Variants in SLC8A2 observed in about 807,000 individuals in gnomAD.
SLC8A2 encodes sodium/calcium exchanger 2.
A neutral mutation model predicts 70.2 loss-of-function variants in SLC8A2; 14 were observed. The observed-to-expected ratio is 0.20, with a 90% CI of 0.13 to 0.31. The LOEUF is 0.31. Among genes scored for constraint, SLC8A2 ranks in the 10% least tolerant of loss-of-function variants. SLC8A2 has a pLI of 1.00. For missense variants in SLC8A2, 779 were observed against 1,320.1 expected (o/e 0.59, Z 6.35); for synonymous variants, 575 against 594.3 (o/e 0.97, Z 0.47).
intron 1 of SLC8A2, among the ~76,000 whole-genome samples, chr19:47,467,921 G>A (rs1264407239): frequency 6.6e-6 from 1 of 150,388 alleles, no homozygotes; most frequent in Non-Finnish European, 1.5e-5. Flanking sequence ...CATGAGAATC[G>A]CTTGAGCCAG....
intron 4 of SLC8A2, among the ~76,000 whole-genome samples, chr19:47,443,579 A>T (rs1293607567): frequency 6.6e-6 from 1 of 152,194 alleles, no homozygotes; most frequent in African/African-American, 2.4e-5. Flanking sequence ...GACTGCATGG[A>T]CCAGATGCCC....
rs1365059820 is a variant in SLC8A2, at chr19:47,430,116, C to T, written c.2739G>A (p.Glu913=). The T allele has an allele frequency of 6.3e-7, 1 of 1,591,568 alleles. No homozygotes were observed. The highest frequency in any genetic ancestry group is 1.1e-5 in the South Asian group (1 of 88,148). Residue 913 remains glutamate, a synonymous_variant, in exon 10 of 10, where the codon GAG becomes GAA. Coordinates refer to ENST00000236877, the MANE Select transcript of SLC8A2 (RefSeq NM_015063.3). This position sits in a 1 kb window ranked among gnomAD's most constrained non-coding sequence, Gnocchi z 5.9. ...AGAAGCCCCGGATGTGGCAGTACGC[C>T]TCCAGGCTGGCGAAGAGGATGTACA... is the stretch of plus-strand genomic sequence containing the variant. The part of the protein sequence containing the change: ...WLLYILFASL[E]AYCHIRGF
intron 1 of SLC8A2, among the ~76,000 whole-genome samples, chr19:47,470,151 C>A (rs554158529): frequency 4.6e-5 from 7 of 152,228 alleles, no homozygotes; most frequent in Admixed American, 4.6e-4. Flanking sequence ...GCGCTCCCAT[C>A]ACCTCAAAAT....
rs115551831 is a variant in SLC8A2 at position 47,443,900 on chromosome 19, C to T, written c.1764-2460G>A. Among the ~76,000 whole-genome samples, 817 of 152,174 alleles carry T rather than the reference C, an allele frequency of 5.4e-3. 7 individuals are homozygous for T. Among genetic ancestry groups the T allele is most frequent in the African/African-American group, 0.019 (784 of 41,524 alleles). ...GTCTCAGTCTCTTCTCATCTCTCTG[C>T]TCTCCCTTTTTTTGAAACAAAGTCT... On this transcript the variant is annotated intron_variant, in intron 4 of 9. Transcript: ENST00000236877.
chr19:47,449,031 C>A (rs1398739217), intron 3 of SLC8A2, among the ~76,000 whole-genome samples: 1 of 152,204 alleles, frequency 6.6e-6, no homozygotes, highest in Non-Finnish European at 1.5e-5. Flanking sequence ...ACGGTTCATT[C>A]ATTCAACAGA....
chr19:47,454,500 C>G (rs941970426), intron 3 of SLC8A2, among the ~76,000 whole-genome samples: 37 of 152,038 alleles, frequency 2.4e-4, no homozygotes, highest in African/African-American at 8.9e-4. Flanking sequence ...CTCTGTCACT[C>G]AGGCTGGAGC....
chr19:47,440,265 C>G (rs961917160), intron 6 of SLC8A2, among the ~76,000 whole-genome samples: 1 of 152,152 alleles, frequency 6.6e-6, no homozygotes, highest in South Asian at 2.1e-4. Flanking sequence ...CTAATCTGAT[C>G]CCACCAGCAG....
chr19:47,437,947 C>G lies in SLC8A2; in HGVS notation c.1912G>C (p.Glu638Gln). ...QGDGDRKLTA[E>Q]EEEARRIAEM... ...GCTATCCTCCGAGCCTCCTCCTCCT[C>G]GGCTGTTAGCTTCCTGTCCCCATCC... The change falls in exon 7 of 10, where the codon GAG becomes CAG. Residue 638 changes from glutamate to glutamine, a missense_variant. By Grantham distance (29) the Glu-to-Gln change is conservative. Transcript: ENST00000236877. The G allele has an allele frequency of 6.2e-7, 1 of 1,614,120 alleles. No homozygotes were observed. Among genetic ancestry groups the G allele is most frequent in the Non-Finnish European group, 8.5e-7 (1 of 1,180,012 alleles).
chr19:47,465,564 A>G lies in SLC8A2; in HGVS notation c.675+165T>C, dbSNP rs1967446726. Among the ~76,000 whole-genome samples the G allele has an allele frequency of 6.6e-6, 1 of 152,198 alleles. No individual in the cohort carries two copies. Among genetic ancestry groups the G allele is most frequent in the Non-Finnish European group, 1.5e-5 (1 of 68,032 alleles). On this transcript the variant is annotated intron_variant, in intron 2 of 9. Transcript: ENST00000236877. The surrounding 1 kb of genome is among the most constrained non-coding windows in gnomAD (Gnocchi z 5.5). Reference sequence around the variant, plus strand: ...AGCAGGACTTGCCCTGTTTGGCTCAATTCCCTTGTGTAGTCTGGTGACCTG... The same window carrying G: ...AGCAGGACTTGCCCTGTTTGGCTCAGTTCCCTTGTGTAGTCTGGTGACCTG...
At chr19:47,438,596 A>G in intron 6 of SLC8A2, among the ~76,000 whole-genome samples, 1 of 151,656 alleles carries the variant, frequency 6.6e-6, no homozygotes, top group Non-Finnish European at 1.5e-5. Flanking sequence ...CTGACCCCTG[A>G]CTCCAAGCCC....
At chr19:47,431,218 G>A (rs900023600) in intron 9 of SLC8A2, among the ~76,000 whole-genome samples, 6 of 151,726 alleles carry the variant, frequency 4.0e-5, no homozygotes, top group African/African-American at 9.7e-5. Flanking sequence ...TTGTAGATAC[G>A]GGGTTTCACC....
chr19:47,438,093 T>C lies in SLC8A2; in HGVS notation c.1886-120A>G, dbSNP rs1353033450. 9 of 1,256,374 alleles carry C rather than the reference T, an allele frequency of 7.2e-6. No homozygotes were observed. The East Asian group carries it at 1.9e-4, about 27-fold the overall frequency. 77.8% of individuals were successfully genotyped at this position (1,256,374 alleles called of 1,614,324 possible). Reference sequence around the variant, plus strand: ...TATCTGTTCTCCTCTGGGAAGCTCCTTGGTGACTCCTCCCAGCCTCCCACC... The same window carrying C: ...TATCTGTTCTCCTCTGGGAAGCTCCCTGGTGACTCCTCCCAGCCTCCCACC... On this transcript the variant is annotated intron_variant, in intron 6 of 9. Coordinates refer to ENST00000236877, the MANE Select transcript of SLC8A2 (RefSeq NM_015063.3).
rs1568443607 is a variant in SLC8A2 at position 47,448,703 on chromosome 19, C to G, written c.1341-472G>C. Among the ~76,000 whole-genome samples the G allele has an allele frequency of 6.6e-6, 1 of 152,108 alleles. No individual in the cohort carries two copies. Among genetic ancestry groups the G allele is most frequent in the Non-Finnish European group, 1.5e-5 (1 of 68,016 alleles). ...AATGCAGATTCTGGTTTAGAAGCTC[C>G]CGGGTTTCTAGAATCGCATTTCTAA... On this transcript the variant is annotated intron_variant, in intron 3 of 9. Transcript: ENST00000236877. This position sits in a 1 kb window ranked among gnomAD's most constrained non-coding sequence, Gnocchi z 4.8.
chr19:47,465,460 C>T lies in SLC8A2; in HGVS notation c.675+269G>A, dbSNP rs180956339. The stretch of plus-strand genomic sequence containing the variant: ...TACTGTTCTTAAGTGCAAAACAGTG[C>T]GTCCCTCTGGACAAATAAATGTTTG... On this transcript the variant is annotated intron_variant, in intron 2 of 9. Transcript: ENST00000236877. The surrounding 1 kb of genome is among the most constrained non-coding windows in gnomAD (Gnocchi z 5.5). Among the ~76,000 whole-genome samples, 33 of 152,318 alleles carry T rather than the reference C, an allele frequency of 2.2e-4. No homozygotes were observed. Among genetic ancestry groups the T allele is most frequent in the East Asian group, 1.3e-3 (7 of 5,194 alleles).
At chr19:47,441,139 C>A in intron 6 of SLC8A2, 30 bp downstream of exon 6, 1 of 1,608,526 alleles carries the variant, frequency 6.2e-7, no homozygotes, top group Non-Finnish European at 8.5e-7. Flanking sequence ...GGCTCCTCCC[C>A]ACTCAGAGCC....
intron 3 of SLC8A2, among the ~76,000 whole-genome samples, chr19:47,452,427 AGAGAGAGAGAGAGAGAGAGTGTGTGTGT>A (rs1967249801): frequency 1.7e-5 from 2 of 120,492 alleles, no homozygotes; most frequent in African/African-American, 3.2e-5. Flanking sequence ...AGAGAGAGAG[AGAGAGAGAGAGAGAGAGAGTGTGTGTGT>A]GTGTGTGTGT....
chr19:47,469,119 C>CGTGCGT (rs770104541), intron 1 of SLC8A2, among the ~76,000 whole-genome samples: 166 of 143,250 alleles, frequency 1.2e-3, no homozygotes, highest in Non-Finnish European at 2.3e-3. Flanking sequence ...TGCCTGTGTG[C>CGTGCGT]GTGTGTGTGT....
At chr19:47,463,962 A>G (rs972700578) in intron 2 of SLC8A2, among the ~76,000 whole-genome samples, 1 of 152,182 alleles carries the variant, frequency 6.6e-6, no homozygotes, top group Non-Finnish European at 1.5e-5. Context: ...CAGTGAGGGA[A>G]TGGCAGAGGT....
At chr19:47,435,705 T>C (rs1967020312) in intron 8 of SLC8A2, among the ~76,000 whole-genome samples, 1 of 151,978 alleles carries the variant, frequency 6.6e-6, no homozygotes, top group Non-Finnish European at 1.5e-5. Flanking sequence ...CAGGCCACCA[T>C]GCCCGGCTAA....
Sources: allele counts gnomAD v4.1 joint callset (sites outside exome capture counted in the v4.1 genomes callset), GRCh38; gene constraint gnomAD v4.1.1; non-coding constraint Gnocchi (gnomAD v3.1); transcripts MANE v1.5; gene names NCBI Gene and HGNC (gene_info 2026-07-23, HGNC 2026-07-21).